Variants in RBM6 observed in about 807,000 individuals in gnomAD.
The protein encoded by RBM6 is RNA-binding protein 6.
Under a neutral mutation model 140.4 loss-of-function variants are expected in RBM6, and 23 were observed. The ratio of observed to expected loss-of-function variants is 0.16; its 90% confidence interval spans 0.12 to 0.23. The LOEUF is 0.23. Among genes scored for constraint, RBM6 ranks in the 10% least tolerant of loss-of-function variants. RBM6 has a pLI of 1.00. For missense variants in RBM6, 1,139 were observed against 1,386.7 expected, an observed-to-expected ratio of 0.82 and a Z score of 2.84; for synonymous variants, 439 against 475.6, an observed-to-expected ratio of 0.92 and a Z score of 1.00.
chr3:49,958,532 C>CG (rs1559524036), intron 1 of RBM6, among the ~76,000 whole-genome samples: 4 of 151,720 alleles, frequency 2.6e-5, no homozygotes, highest in African/African-American at 9.7e-5. Context: ...GCCAAGATCA[C>CG]GCCACTGCAC....
intron 17 of RBM6, among the ~76,000 whole-genome samples, chr3:50,067,101 C>T (rs565782251): frequency 5.1e-4 from 72 of 140,386 alleles, no homozygotes; most frequent in South Asian, 1.7e-3. Context: ...GCAGGAGAAT[C>T]GCTTGAACCT....
chr3:50,045,489 C>T (rs777309459), intron 6 of RBM6, among the ~76,000 whole-genome samples: 12 of 152,124 alleles, frequency 7.9e-5, no homozygotes, highest in Non-Finnish European at 1.8e-4. Context: ...CTCTTTGTTG[C>T]TGAAAATAAA....
chr3:49,956,180 T>G (rs1418063648), intron 1 of RBM6, among the ~76,000 whole-genome samples: 1 of 151,828 alleles, frequency 6.6e-6, no homozygotes, highest in African/African-American at 2.4e-5. Flanking sequence ...GCCACCACCA[T>G]GCCTGGCTAA....
chr3:49,957,140 GC>G, intron 1 of RBM6, among the ~76,000 whole-genome samples: 1 of 152,058 alleles, frequency 6.6e-6, no homozygotes, highest in East Asian at 1.9e-4. Context: ...TGTGCCACCT[GC>G]CTTTTTTGTT....
chr3:49,975,108 G>C (rs1472799744), intron 4 of RBM6, among the ~76,000 whole-genome samples: 1 of 151,972 alleles, frequency 6.6e-6, no homozygotes, highest in Non-Finnish European at 1.5e-5. Flanking sequence ...CAAAGTGCTG[G>C]GATTATAGGC....
intron 19 of RBM6, 42 bp downstream of exon 19, chr3:50,070,594 A>C (rs752428723): frequency 7.2e-7 from 1 of 1,395,332 alleles, no homozygotes; most frequent in Non-Finnish European, 1.0e-6. Context: ...CTCAAGCCTA[A>C]TGATAAAACC....
At chr3:50,023,397 C>G (rs2087620614) in intron 6 of RBM6, among the ~76,000 whole-genome samples, 1 of 152,136 alleles carries the variant, frequency 6.6e-6, no homozygotes, top group Admixed American at 6.6e-5. Context: ...CCTCCGCCTC[C>G]TGGGTTCAAG....
chr3:49,946,826 C>T (rs975662072), intron 1 of RBM6, among the ~76,000 whole-genome samples: 1 of 151,248 alleles, frequency 6.6e-6, no homozygotes, highest in Non-Finnish European at 1.5e-5. Context: ...TGAGCCATCT[C>T]ACCCGGCCTA....
intron 2 of RBM6, among the ~76,000 whole-genome samples, chr3:49,964,275 C>T (rs901526430): frequency 2.0e-5 from 3 of 152,106 alleles, no homozygotes; most frequent in African/African-American, 4.8e-5. Context: ...TGTTCTGAAG[C>T]TTGGAGTTCC....
chr3:50,026,600 G>A (rs1035166374), intron 6 of RBM6, among the ~76,000 whole-genome samples: 12 of 149,120 alleles, frequency 8.0e-5, no homozygotes, highest in South Asian at 2.1e-4. Context: ...CTAGGCAGGC[G>A]TGAACCACCA....
intron 1 of RBM6, among the ~76,000 whole-genome samples, chr3:49,943,927 G>T (rs1333664265): frequency 6.6e-6 from 1 of 151,970 alleles, no homozygotes; most frequent in Non-Finnish European, 1.5e-5. Context: ...GTGTATATGT[G>T]GTTTTTTATT....
chr3:50,063,238 T>C (rs752373967), intron 15 of RBM6, among the ~76,000 whole-genome samples: 3 of 152,156 alleles, frequency 2.0e-5, no homozygotes, highest in Non-Finnish European at 4.4e-5. Context: ...TAGCATTTTG[T>C]TTCTTCTTTT....
chr3:50,011,643 T>C (rs1348917778), intron 6 of RBM6, among the ~76,000 whole-genome samples: 1 of 152,158 alleles, frequency 6.6e-6, no homozygotes, highest in African/African-American at 2.4e-5. Context: ...ATTGACACTA[T>C]GGCTATCATC....
intron 5 of RBM6, among the ~76,000 whole-genome samples, chr3:49,987,179 TCTC>T (rs1235455493): frequency 6.6e-6 from 1 of 151,742 alleles, no homozygotes; most frequent in African/African-American, 2.4e-5. Context: ...TTCAAGCAAT[TCTC>T]CTGCCTCAGC....
intron 15 of RBM6, among the ~76,000 whole-genome samples, chr3:50,064,534 CAG>C (rs2090052119): frequency 6.6e-6 from 1 of 151,854 alleles, no homozygotes; most frequent in African/African-American, 2.4e-5. Context: ...TTTTTTGAGA[CAG>C]AGTCTCTCTC....
chr3:50,072,973 C>G (rs1487020319), intron 19 of RBM6, among the ~76,000 whole-genome samples: 2 of 152,162 alleles, frequency 1.3e-5, no homozygotes, highest in Admixed American at 1.3e-4. Flanking sequence ...CAGGTGTTCT[C>G]TAGGACTCTT....
chr3:49,986,119 G>A (rs1319649817), intron 5 of RBM6, among the ~76,000 whole-genome samples: 2 of 149,702 alleles, frequency 1.3e-5, no homozygotes, highest in Non-Finnish European at 3.0e-5. Flanking sequence ...CCTGAATAGC[G>A]GGAATTACAG....
chr3:49,992,189 C>T (rs1427633628), intron 5 of RBM6, among the ~76,000 whole-genome samples: 3 of 152,056 alleles, frequency 2.0e-5, no homozygotes, highest in Admixed American at 6.6e-5. Flanking sequence ...TGGGGTTAAG[C>T]GATCCTCTTG....
rs763964115 is a variant in RBM6 at position 50,066,313 on chromosome 3, AGAG to A, written c.2760_2762del (p.Glu921del). The A allele has an allele frequency of 6.2e-7, 1 of 1,614,176 alleles. No homozygotes were observed. Among genetic ancestry groups the A allele is most frequent in the Non-Finnish European group, 8.5e-7 (1 of 1,180,030 alleles). ...GAGACAGTGACTATGAGGAGGAAGA[AGAG>A]GAGGAACAGACCCCTCCCCCACAGC... On this transcript the variant is annotated inframe_deletion, in exon 17 of 21. Transcript: ENST00000266022.
Sources: gnomAD v4.1 joint callset for allele counts (sites outside exome capture counted in the v4.1 genomes callset) on GRCh38, gnomAD v4.1.1 for gene constraint, MANE v1.5 for transcripts, NCBI Gene and HGNC (gene_info 2026-07-23, HGNC 2026-07-21) for gene names.